CDH13: variants seen among roughly 807,000 people sequenced by gnomAD.
CDH13 encodes the protein cadherin 13, also known as cadherin-13.
In CDH13, 24 loss-of-function variants were observed where a neutral mutation model predicts 63.8. That is an observed-to-expected ratio of 0.38 (90% CI 0.27 to 0.53). CDH13 has a LOEUF of 0.53. CDH13 is among the 20% of genes least tolerant of loss of function. The pLI is 0.85. For missense variants in CDH13, 1,049 were observed against 903.1 expected (o/e 1.16, Z -2.07); for synonymous variants, 503 against 355.3 (o/e 1.42, Z -4.67).
chr16:83,388,620 T>G (rs933643013), intron 6 of CDH13, among the ~76,000 whole-genome samples: 9 of 152,186 alleles, frequency 5.9e-5, no homozygotes, highest in African/African-American at 2.2e-4. Flanking sequence ...TGATGCTGAT[T>G]TACCAATCTC....
At chr16:83,061,049 G>T (rs558561069) in intron 3 of CDH13, among the ~76,000 whole-genome samples, 1 of 152,172 alleles carries the variant, frequency 6.6e-6, no homozygotes, top group African/African-American at 2.4e-5. Flanking sequence ...AAGAATATAG[G>T]AATAAATACG....
chr16:83,688,437 G>A (rs1904525658), intron 10 of CDH13, among the ~76,000 whole-genome samples: 1 of 152,162 alleles, frequency 6.6e-6, no homozygotes, highest in Non-Finnish European at 1.5e-5. Context: ...AGTTTAAATT[G>A]GGGTGACTCC....
At chr16:83,247,402 G>A (rs1364835090) in intron 5 of CDH13, among the ~76,000 whole-genome samples, 1 of 152,140 alleles carries the variant, frequency 6.6e-6, no homozygotes, top group Non-Finnish European at 1.5e-5. Flanking sequence ...ACGTGCTTCA[G>A]TTTAGTGCAT....
intron 6 of CDH13, among the ~76,000 whole-genome samples, chr16:83,425,173 C>G (rs1359852368): frequency 2.0e-5 from 3 of 152,202 alleles, no homozygotes; most frequent in African/African-American, 7.2e-5. Flanking sequence ...CGACATTAAC[C>G]TGAATGGAAC....
rs535022035 is a variant in CDH13 at position 83,151,521 on chromosome 16, C to A, written c.483+26020C>A. Among the ~76,000 whole-genome samples, 60 of 152,284 alleles carry A rather than the reference C, an allele frequency of 3.9e-4. 1 individual carries two copies. The highest frequency in any genetic ancestry group is 1.2e-3 in the African/African-American group (51 of 41,554). On this transcript the variant is annotated intron_variant, in intron 4 of 13. Coordinates refer to ENST00000567109, the MANE Select transcript of CDH13 (RefSeq NM_001257.5). ...AACCCAGTTAATAACAAACCCAGAA[C>A]AACTGAACCCCTAAAAGGCGGTGGA...
At chr16:83,351,639 A>C (rs2090953879) in intron 6 of CDH13, among the ~76,000 whole-genome samples, 1 of 152,204 alleles carries the variant, frequency 6.6e-6, no homozygotes, top group South Asian at 2.1e-4. Context: ...CTATCGATTT[A>C]AGTTGTTTTC....
chr16:82,790,125 C>A (rs1003060654), intron 1 of CDH13, among the ~76,000 whole-genome samples: 1 of 152,126 alleles, frequency 6.6e-6, no homozygotes, highest in African/African-American at 2.4e-5. Flanking sequence ...TCGCAACACA[C>A]ACACGTACCT....
intron 4 of CDH13, among the ~76,000 whole-genome samples, chr16:83,128,085 A>C (rs2035890238): frequency 6.6e-6 from 1 of 152,208 alleles, no homozygotes; most frequent in South Asian, 2.1e-4. Flanking sequence ...TTTCTTTTAG[A>C]TAATCCTGGG....
chr16:82,909,458 A>G (rs147351663), intron 2 of CDH13, among the ~76,000 whole-genome samples: 1,543 of 152,290 alleles, frequency 0.01, 22 homozygotes, highest in African/African-American at 0.026. Flanking sequence ...TGGTACGGAC[A>G]TTGTATTAGT....
chr16:83,234,261 G>A (rs113185915), intron 5 of CDH13, among the ~76,000 whole-genome samples: 2 of 152,256 alleles, frequency 1.3e-5, no homozygotes, highest in African/African-American at 2.4e-5. Context: ...GGTGCTTTGC[G>A]GGGATGATTT....
chr16:83,153,093 C>T (rs886559543), intron 4 of CDH13, among the ~76,000 whole-genome samples: 1 of 152,192 alleles, frequency 6.6e-6, no homozygotes, highest in Non-Finnish European at 1.5e-5. Flanking sequence ...GTAATTCATG[C>T]AGAGCCAGCT....
At chr16:83,653,142 C>T (rs1162552990) in intron 8 of CDH13, among the ~76,000 whole-genome samples, 1 of 151,842 alleles carries the variant, frequency 6.6e-6, no homozygotes, top group East Asian at 1.9e-4. Context: ...TGCCAGGGGC[C>T]GGGAGTGGGT....
chr16:83,355,965 A>C (rs890747598), intron 6 of CDH13, among the ~76,000 whole-genome samples: 1 of 152,148 alleles, frequency 6.6e-6, no homozygotes, highest in Admixed American at 6.5e-5. Flanking sequence ...TTGACAATTG[A>C]GGAAACAGAC....
intron 6 of CDH13, among the ~76,000 whole-genome samples, chr16:83,382,706 G>T (rs2091592361): frequency 6.6e-6 from 1 of 152,100 alleles, no homozygotes; most frequent in Admixed American, 6.5e-5. Flanking sequence ...AATACCTTCT[G>T]CAACAGTGAG....
At chr16:82,954,844 T>G (rs913473804) in intron 2 of CDH13, 1 of 152,172 alleles carries the variant, frequency 6.6e-6, no homozygotes, top group African/African-American at 2.4e-5. Flanking sequence ...CTGTCTCTGT[T>G]TCATTCCCTT....
intron 3 of CDH13, among the ~76,000 whole-genome samples, chr16:83,045,449 C>G (rs1377179300): frequency 2.0e-5 from 3 of 151,758 alleles, no homozygotes; most frequent in African/African-American, 4.8e-5. Flanking sequence ...CCAGCCTGGC[C>G]AAGATGGTGA....
intron 4 of CDH13, among the ~76,000 whole-genome samples, chr16:83,180,000 G>A (rs1376812450): frequency 6.6e-6 from 1 of 151,876 alleles, no homozygotes; most frequent in Non-Finnish European, 1.5e-5. Context: ...TTTTCTGTAG[G>A]CCACTGTTTG....
chr16:83,761,373 C>T (rs760533552), intron 11 of CDH13, among the ~76,000 whole-genome samples: 5 of 152,250 alleles, frequency 3.3e-5, no homozygotes, highest in South Asian at 4.1e-4. Flanking sequence ...AAAGAAAATC[C>T]TTGGCTAGAT....
chr16:83,722,911 T>A (rs1909886731), intron 10 of CDH13, among the ~76,000 whole-genome samples: 1 of 152,204 alleles, frequency 6.6e-6, no homozygotes, highest in African/African-American at 2.4e-5. Flanking sequence ...TACACTGAGG[T>A]CCCACTGAGG....
Sources: allele counts gnomAD v4.1 joint callset (sites outside exome capture counted in the v4.1 genomes callset), GRCh38; gene constraint gnomAD v4.1.1; transcripts MANE v1.5; gene names NCBI Gene and HGNC (gene_info 2026-07-23, HGNC 2026-07-21).